The following GRM7 variants were observed in gnomAD, a reference collection of about 807,000 sequenced individuals.
GRM7 encodes the protein glutamate metabotropic receptor 7, also known as metabotropic glutamate receptor 7.
Under a neutral mutation model 84.5 loss-of-function variants are expected in GRM7, and 35 were observed. The ratio of observed to expected loss-of-function variants is 0.41; its 90% CI spans 0.32 to 0.55. The LOEUF is 0.55. Among genes scored for constraint, GRM7 ranks in the 20% least tolerant of loss-of-function variants. The probability of loss-of-function intolerance (pLI) is 0.19; values close to 1 mark genes in which losing one functional copy is unlikely to be tolerated. For missense variants in GRM7, 1,003 were observed against 1,194.6 expected, an observed-to-expected ratio of 0.84 and a Z score of 2.36; for synonymous variants, 487 against 455.1, an observed-to-expected ratio of 1.07 and a Z score of -0.89.
At chr3:7,410,934 C>G (rs932648107) in intron 4 of GRM7, among the ~76,000 whole-genome samples, 1 of 152,098 alleles carries the variant, frequency 6.6e-6, no homozygotes, top group Non-Finnish European at 1.5e-5. Context: ...GGCCAGAAAT[C>G]CAAAGTCAAG....
intron 4 of GRM7, among the ~76,000 whole-genome samples, chr3:7,359,038 G>A (rs983033661): frequency 1.4e-5 from 2 of 144,506 alleles, no homozygotes; most frequent in Non-Finnish European, 3.0e-5. Context: ...AGGATCACTT[G>A]AACCAGGAAG....
intron 9 of GRM7, among the ~76,000 whole-genome samples, chr3:7,721,335 C>A (rs78289952): frequency 0.03 from 4,599 of 152,224 alleles, 167 homozygotes; most frequent in African/African-American, 0.083. Flanking sequence ...GGATACATAA[C>A]GTTTCTGGGG....
intron 1 of GRM7, among the ~76,000 whole-genome samples, chr3:6,950,047 C>T (rs915116220): frequency 1.3e-5 from 2 of 152,226 alleles, no homozygotes; most frequent in Non-Finnish European, 2.9e-5. Flanking sequence ...AAGCCTTCCT[C>T]TCTCAACTCA....
At chr3:6,969,672 G>T (rs1368177933) in intron 1 of GRM7, among the ~76,000 whole-genome samples, 2 of 152,170 alleles carry the variant, frequency 1.3e-5, no homozygotes, top group Non-Finnish European at 2.9e-5. Flanking sequence ...GAGAGTTCAT[G>T]GGAAATTTCC....
chr3:7,378,058 G>T (rs1394344336), intron 4 of GRM7, among the ~76,000 whole-genome samples: 3 of 152,112 alleles, frequency 2.0e-5, no homozygotes, highest in Non-Finnish European at 4.4e-5. Context: ...AGTTTTATTG[G>T]AGCTGACTCT....
At chr3:7,397,979 C>T (rs755155960) in intron 4 of GRM7, among the ~76,000 whole-genome samples, 4 of 151,976 alleles carry the variant, frequency 2.6e-5, no homozygotes, top group Admixed American at 2.6e-4. Flanking sequence ...TTAAAATTGA[C>T]CCATGTGATA....
chr3:7,637,843 C>T (rs1575581153), intron 8 of GRM7, among the ~76,000 whole-genome samples: 2 of 152,200 alleles, frequency 1.3e-5, no homozygotes, highest in African/African-American at 4.8e-5. Flanking sequence ...TGAGCAGCCT[C>T]TCCCACAGGA....
chr3:6,889,727 C>T (rs1277937751), intron 1 of GRM7, among the ~76,000 whole-genome samples: 1 of 152,056 alleles, frequency 6.6e-6, no homozygotes, highest in Non-Finnish European at 1.5e-5. Flanking sequence ...GCTTTGGTAT[C>T]AGAATGATGC....
At chr3:7,531,562 G>T (rs939080840) in intron 7 of GRM7, among the ~76,000 whole-genome samples, 1 of 152,000 alleles carries the variant, frequency 6.6e-6, no homozygotes, top group Non-Finnish European at 1.5e-5. Flanking sequence ...GTATTTAATT[G>T]TCTTGTAGCA....
At chr3:6,925,714 G>A (rs1697274633) in intron 1 of GRM7, among the ~76,000 whole-genome samples, 1 of 152,070 alleles carries the variant, frequency 6.6e-6, no homozygotes, top group Non-Finnish European at 1.5e-5. Flanking sequence ...TATATAAATA[G>A]CTATAGCTGC....
intron 1 of GRM7, among the ~76,000 whole-genome samples, chr3:6,947,748 T>G (rs1162651751): frequency 6.6e-6 from 1 of 152,332 alleles, no homozygotes; most frequent in Admixed American, 6.5e-5. Context: ...TATTGGTCTA[T>G]TCAGAGATTC....
At chr3:7,463,986 T>C (rs1575376335) in intron 7 of GRM7, among the ~76,000 whole-genome samples, 1 of 152,146 alleles carries the variant, frequency 6.6e-6, no homozygotes, top group South Asian at 2.1e-4. Context: ...ATTATGATTC[T>C]TTTGCAGGTG....
chr3:6,881,597 GAA>G (rs34773999), intron 1 of GRM7, among the ~76,000 whole-genome samples: 3 of 147,732 alleles, frequency 2.0e-5, no homozygotes, highest in African/African-American at 5.0e-5. Context: ...AAATTTTAAA[GAA>G]AAAAAAAACC....
chr3:7,378,041 T>C (rs907431288), intron 4 of GRM7, among the ~76,000 whole-genome samples: 3 of 152,136 alleles, frequency 2.0e-5, no homozygotes, highest in Non-Finnish European at 2.9e-5. Flanking sequence ...CCCATCCCAA[T>C]TCATGTAGTT....
intron 1 of GRM7, among the ~76,000 whole-genome samples, chr3:6,878,642 G>A (rs1338337518): frequency 6.6e-6 from 1 of 152,110 alleles, no homozygotes; most frequent in Non-Finnish European, 1.5e-5. Context: ...TAATAAAATA[G>A]CAAAGGCTCT....
At chr3:7,054,619 G>A (rs1697147146) in intron 1 of GRM7, among the ~76,000 whole-genome samples, 1 of 151,712 alleles carries the variant, frequency 6.6e-6, no homozygotes, top group African/African-American at 2.4e-5. Context: ...AGTCACTTCT[G>A]TTCCTTCTAT....
chr3:7,320,125 G>A (rs1353892476), intron 4 of GRM7, among the ~76,000 whole-genome samples: 1 of 151,794 alleles, frequency 6.6e-6, no homozygotes, highest in Non-Finnish European at 1.5e-5. Flanking sequence ...AAAGAATTAT[G>A]TATGCATGGA....
chr3:7,345,082 TAAAA>T (rs1483357972), intron 4 of GRM7, among the ~76,000 whole-genome samples: 2 of 152,058 alleles, frequency 1.3e-5, no homozygotes, highest in East Asian at 3.9e-4. Context: ...AAATGTTTTT[TAAAA>T]AAAGGTAAGA....
intron 2 of GRM7, among the ~76,000 whole-genome samples, chr3:7,243,386 T>G (rs1697634032): frequency 6.6e-6 from 1 of 152,088 alleles, no homozygotes; most frequent in South Asian, 2.1e-4. Context: ...GGTTCTTGTC[T>G]CTCATGTATG....
Sources: allele counts gnomAD v4.1 joint callset (sites outside exome capture counted in the v4.1 genomes callset), GRCh38; gene constraint gnomAD v4.1.1; transcripts MANE v1.5; gene names NCBI Gene and HGNC (gene_info 2026-07-23, HGNC 2026-07-21).